RBFOX1: variants seen among roughly 807,000 people sequenced by gnomAD.
RBFOX1 encodes RNA binding fox-1 homolog 1.
In RBFOX1, 8 loss-of-function variants were observed where a neutral mutation model predicts 57.7. The observed-to-expected ratio is 0.14, with a 90% confidence interval of 0.08 to 0.25. The LOEUF is 0.25. Among genes scored for constraint, RBFOX1 ranks in the 10% least tolerant of loss-of-function variants. RBFOX1 has a pLI of 1.00. For synonymous variants in RBFOX1, 326 were observed against 222.4 expected (o/e 1.47, Z -4.15); for missense variants, 611 against 548.5 (o/e 1.11, Z -1.14).
chr16:6,591,167 C>T (rs921002648), intron 2 of RBFOX1, among the ~76,000 whole-genome samples: 1 of 152,148 alleles, frequency 6.6e-6, no homozygotes, highest in Non-Finnish European at 1.5e-5. Flanking sequence ...AAAACCTGGC[C>T]AGGCGTGGCT....
At chr16:6,833,286 C>T (rs1356585177) in intron 3 of RBFOX1, among the ~76,000 whole-genome samples, 2 of 152,056 alleles carry the variant, frequency 1.3e-5, no homozygotes, top group East Asian at 3.9e-4. Context: ...CTGCCTCAGC[C>T]TCCTGAGTAC....
intron 1 of RBFOX1, among the ~76,000 whole-genome samples, chr16:6,316,137 A>G (rs1288948261): frequency 6.6e-6 from 1 of 152,168 alleles, no homozygotes; most frequent in African/African-American, 2.4e-5. Flanking sequence ...CGTCTCTGCT[A>G]CTTAAGTTTC....
intron 4 of RBFOX1, among the ~76,000 whole-genome samples, chr16:7,076,232 C>G (rs1263708222): frequency 6.6e-6 from 1 of 151,628 alleles, no homozygotes; most frequent in African/African-American, 2.4e-5. Flanking sequence ...TGGGGTTTCA[C>G]CATGTTGGCC....
chr16:6,889,713 A>G (rs966054972), intron 3 of RBFOX1, among the ~76,000 whole-genome samples: 2 of 152,160 alleles, frequency 1.3e-5, no homozygotes, highest in African/African-American at 4.8e-5. Flanking sequence ...TTGAAGAGCT[A>G]TATTGAAATT....
chr16:5,961,740 C>G (rs1174886719), intron 4 of RBFOX1, among the ~76,000 whole-genome samples: 1 of 152,104 alleles, frequency 6.6e-6, no homozygotes. Flanking sequence ...GTTGCCCAGG[C>G]TGGTCTCAAA....
chr16:6,917,369 G>A (rs1247440124), intron 3 of RBFOX1, among the ~76,000 whole-genome samples: 1 of 152,186 alleles, frequency 6.6e-6, no homozygotes, highest in Admixed American at 6.5e-5. Flanking sequence ...CACATGAAAT[G>A]AAGAGTTTCT....
intron 1 of RBFOX1, among the ~76,000 whole-genome samples, chr16:5,257,141 TA>T (rs1309828547): frequency 7.2e-6 from 1 of 139,528 alleles, no homozygotes; most frequent in African/African-American, 2.8e-5. Flanking sequence ...GATTGCTTTG[TA>T]AAAAAACCAA....
At chr16:6,942,160 A>G (rs1396451469) in intron 3 of RBFOX1, among the ~76,000 whole-genome samples, 4 of 152,140 alleles carry the variant, frequency 2.6e-5, no homozygotes, top group South Asian at 2.1e-4. Context: ...AATTGCTTGA[A>G]CTTGGGAGAT....
At chr16:5,553,431 T>G (rs1444173758) in intron 2 of RBFOX1, among the ~76,000 whole-genome samples, 2 of 151,802 alleles carry the variant, frequency 1.3e-5, no homozygotes, top group Non-Finnish European at 2.9e-5. Context: ...TTCTCCCGCC[T>G]CAGCCTCCCG....
intron 4 of RBFOX1, among the ~76,000 whole-genome samples, chr16:7,151,712 G>C (rs546622374): frequency 6.6e-6 from 1 of 151,972 alleles, no homozygotes; most frequent in African/African-American, 2.4e-5. Context: ...CCATAATGTA[G>C]AATCAGTGGG....
intron 2 of RBFOX1, among the ~76,000 whole-genome samples, chr16:6,544,121 G>C (rs946733173): frequency 2.6e-5 from 4 of 152,142 alleles, no homozygotes; most frequent in Non-Finnish European, 5.9e-5. Flanking sequence ...ATCTGTCTTT[G>C]CATCCCCAGC....
intron 1 of RBFOX1, among the ~76,000 whole-genome samples, chr16:5,416,911 C>T (rs1467397139): frequency 6.6e-6 from 1 of 152,148 alleles, no homozygotes; most frequent in Non-Finnish European, 1.5e-5. Flanking sequence ...ACTATCTGCC[C>T]TCCTTCAGAT....
chr16:7,533,394 A>G (rs555022471), intron 5 of RBFOX1, among the ~76,000 whole-genome samples: 2 of 152,264 alleles, frequency 1.3e-5, no homozygotes, highest in South Asian at 4.2e-4. Context: ...ACCCATACAC[A>G]TACACACAGC....
chr16:6,841,456 ACCCT>A (rs2093457981), intron 3 of RBFOX1, among the ~76,000 whole-genome samples: 1 of 151,998 alleles, frequency 6.6e-6, no homozygotes, highest in Non-Finnish European at 1.5e-5. Flanking sequence ...TGTCAATAAA[ACCCT>A]CATGCAACCT....
intron 3 of RBFOX1, among the ~76,000 whole-genome samples, chr16:6,966,162 G>C (rs911545833): frequency 6.6e-6 from 1 of 152,044 alleles, no homozygotes; most frequent in African/African-American, 2.4e-5. Context: ...AGACATTTAC[G>C]CTCTTGCCAG....
chr16:5,804,650 C>G (rs1019283138), intron 3 of RBFOX1, among the ~76,000 whole-genome samples: 1 of 152,130 alleles, frequency 6.6e-6, no homozygotes, highest in Non-Finnish European at 1.5e-5. Context: ...CCTCCCTTCC[C>G]CTCTTCTGCC....
intron 1 of RBFOX1, among the ~76,000 whole-genome samples, chr16:5,354,132 C>A (rs1567376049): frequency 6.6e-6 from 1 of 152,188 alleles, no homozygotes; most frequent in Non-Finnish European, 1.5e-5. Context: ...GAGCTCAAGT[C>A]CTGGAACATT....
At chr16:5,806,107 T>C (rs1307741682) in intron 3 of RBFOX1, among the ~76,000 whole-genome samples, 2 of 152,210 alleles carry the variant, frequency 1.3e-5, no homozygotes, top group East Asian at 1.9e-4. Context: ...GGGCCTCTCA[T>C]GTCTTTACTA....
intron 4 of RBFOX1, among the ~76,000 whole-genome samples, chr16:5,950,452 G>C (rs1402721993): frequency 6.6e-6 from 1 of 152,130 alleles, no homozygotes; most frequent in Non-Finnish European, 1.5e-5. Flanking sequence ...AACTCTTATG[G>C]TCATTCTTTC....
Sources: allele counts gnomAD v4.1 joint callset (sites outside exome capture counted in the v4.1 genomes callset), GRCh38; gene constraint gnomAD v4.1.1; transcripts MANE v1.5; gene names NCBI Gene and HGNC (gene_info 2026-07-23, HGNC 2026-07-21).